The following PHIP variants were observed in gnomAD, a reference collection of about 807,000 sequenced individuals.
The protein encoded by PHIP is PH-interacting protein.
PHIP carries 54 observed loss-of-function variants against 236.8 expected under a neutral mutation model. The observed-to-expected ratio is 0.23, with a 90% confidence interval of 0.18 to 0.29. The LOEUF (loss-of-function observed/expected upper bound fraction) is 0.29. Ranked by LOEUF, PHIP falls within the 10% of genes least tolerant of loss-of-function variation. PHIP has a pLI of 1.00. For synonymous variants in PHIP, 756 were observed against 718.9 expected (o/e 1.05, Z -0.83); for missense variants, 1,370 against 2,190.8 (o/e 0.63, Z 7.48).
chr6:78,989,094 C>CA (rs147155255), intron 20 of PHIP, among the ~76,000 whole-genome samples: 68,861 of 151,736 alleles, frequency 0.45, 16,220 homozygotes, highest in East Asian at 0.69. Context: ...CTAAAAAACA[C>CA]AAAAAACTTA....
At chr6:78,948,538 G>T (rs1231552818) in intron 35 of PHIP, among the ~76,000 whole-genome samples, 2 of 152,114 alleles carry the variant, frequency 1.3e-5, no homozygotes, top group African/African-American at 4.8e-5. Context: ...CTGCTGCCCA[G>T]GTTAGAGTGC....
intron 7 of PHIP, among the ~76,000 whole-genome samples, chr6:79,035,368 A>G (rs1236569206): frequency 1.3e-5 from 2 of 152,180 alleles, no homozygotes; most frequent in African/African-American, 4.8e-5. Flanking sequence ...CCTCTGCTCA[A>G]TAACACAAGC....
chr6:78,989,840 C>T (rs1474364713), intron 20 of PHIP, among the ~76,000 whole-genome samples: 1 of 152,120 alleles, frequency 6.6e-6, no homozygotes, highest in Non-Finnish European at 1.5e-5. Context: ...AAAAGGTACG[C>T]TTTCCACTTA....
intron 35 of PHIP, 92 bp from the exon 36 acceptor site, chr6:78,947,867 T>C (rs1338145664): frequency 1.2e-6 from 1 of 801,922 alleles, no homozygotes; most frequent in Non-Finnish European, 2.0e-6. Flanking sequence ...TTATGATGAC[T>C]GCAAGTCCTA....
rs1064796868 is a variant in PHIP at position 79,026,002 on chromosome 6, G to A, written c.763C>T (p.Arg255Ter). 1.2e-6 allele frequency: 2 copies of A among 1,614,038 alleles called. No individual in the cohort carries two copies. The highest frequency in any genetic ancestry group is 2.2e-5 in the East Asian group (1 of 44,858). Reference sequence around the variant, plus strand: ...AGAACAGCCAAAGGTGCACAGGTTCGAAGACACCAGACTCGGATCATTTTA... The same window carrying A: ...AGAACAGCCAAAGGTGCACAGGTTCAAAGACACCAGACTCGGATCATTTTA... The part of the protein sequence containing the change: ...CDKMIRVWCL[R>*]TCAPLAVLQG... The change falls in exon 8 of 40, where the codon CGA (arginine) becomes TGA (stop). Residue 255 changes from arginine to a stop codon, truncating the protein, a stop_gained. Coordinates refer to ENST00000275034, the MANE Select transcript of PHIP (RefSeq NM_017934.7). LOFTEE classifies it high-confidence loss of function.
rs1773386631 is a variant in PHIP, at chr6:78,939,412, T to C, written c.*1281A>G. The C allele has an allele frequency of 2.0e-5, 3 of 151,884 alleles. No homozygotes were observed. In the South Asian group the frequency reaches 6.2e-4, roughly 31 times the overall value. 9.4% of individuals were successfully genotyped at this position (151,884 alleles called of 1,614,324 possible). ...TGCAATGAGACCACTGTATAAAACA[T>C]GATTGCATAAAAAGTGATTTGGCCT... is the stretch of plus-strand genomic sequence containing the variant. On this transcript the variant is annotated 3_prime_UTR_variant, in exon 40 of 40. Transcript: ENST00000275034.
rs556217664 is a variant in PHIP, at chr6:78,972,587, A to G, written c.2890-1699T>C. Among the ~76,000 whole-genome samples, 98 of 152,320 alleles carry G rather than the reference A, an allele frequency of 6.4e-4. 1 individual carries two copies. The South Asian group carries it at 7.9e-3, about 12-fold the overall frequency. On this transcript the variant is annotated intron_variant, in intron 24 of 39. Coordinates refer to ENST00000275034, the MANE Select transcript of PHIP (RefSeq NM_017934.7). Reference sequence around the variant, plus strand: ...AGACGATCAAATTACTCTGAGCTACAGGAGGACATTCAAACCAAAGGCAAA... The same window carrying G: ...AGACGATCAAATTACTCTGAGCTACGGGAGGACATTCAAACCAAAGGCAAA...
intron 23 of PHIP, among the ~76,000 whole-genome samples, chr6:78,980,300 A>T (rs1768426898): frequency 6.6e-6 from 1 of 152,040 alleles, no homozygotes; most frequent in Admixed American, 6.6e-5. Flanking sequence ...AGGGAGAAAC[A>T]AGGAGAAACA....
intron 36 of PHIP, 67 bp downstream of exon 36, chr6:78,947,556 C>A: frequency 1.4e-6 from 1 of 729,368 alleles, no homozygotes; most frequent in Non-Finnish European, 2.2e-6. Flanking sequence ...AGTAAAGCAA[C>A]ATTTAGTCAT....
intron 24 of PHIP, among the ~76,000 whole-genome samples, chr6:78,971,371 C>T (rs1448901098): frequency 6.6e-6 from 1 of 152,244 alleles, no homozygotes; most frequent in East Asian, 1.9e-4. Context: ...TGACTCCTGA[C>T]TACTGTCTTG....
intron 2 of PHIP, 24 bp from the exon 3 acceptor site, chr6:79,077,753 C>G: frequency 2.0e-6 from 2 of 986,012 alleles, no homozygotes; most frequent in Non-Finnish European, 2.4e-6. Context: ...GCGGGGAGAG[C>G]TGAGCCCCGC....
intron 15 of PHIP, among the ~76,000 whole-genome samples, chr6:79,009,087 G>C (rs1770442995): frequency 6.6e-6 from 1 of 151,956 alleles, no homozygotes; most frequent in Non-Finnish European, 1.5e-5. Flanking sequence ...TTTCATACCT[G>C]AAATTGTACT....
intron 7 of PHIP, 126 bp from the exon 8 acceptor site, chr6:79,026,290 A>C: frequency 2.8e-6 from 2 of 714,396 alleles, no homozygotes; most frequent in Admixed American, 2.4e-5. Context: ...AAAAAGTGTT[A>C]AATACTTGTG....
chr6:78,983,632 G>A (rs1241407310), intron 22 of PHIP, among the ~76,000 whole-genome samples: 3 of 152,222 alleles, frequency 2.0e-5, no homozygotes, highest in Admixed American at 1.3e-4. Context: ...TGAACTGGCA[G>A]AGTCAGAAGT....
intron 35 of PHIP, among the ~76,000 whole-genome samples, chr6:78,952,034 T>C (rs1314924467): frequency 6.6e-6 from 1 of 152,236 alleles, no homozygotes; most frequent in Non-Finnish European, 1.5e-5. Context: ...CTTTCAATTG[T>C]TGAGTTTTTT....
chr6:78,972,067 T>C (rs1767616741), intron 24 of PHIP, among the ~76,000 whole-genome samples: 1 of 152,092 alleles, frequency 6.6e-6, no homozygotes, highest in Admixed American at 6.6e-5. Flanking sequence ...GCTCCACCTC[T>C]GGGGGCAGGG....
intron 7 of PHIP, among the ~76,000 whole-genome samples, chr6:79,036,164 T>C (rs1771922924): frequency 6.6e-6 from 1 of 152,242 alleles, no homozygotes. Context: ...ATCAGTAATT[T>C]CTAGAATCCA....
At chr6:79,004,835 T>C (rs1770197091) in intron 15 of PHIP, among the ~76,000 whole-genome samples, 1 of 152,012 alleles carries the variant, frequency 6.6e-6, no homozygotes, top group South Asian at 2.1e-4. Flanking sequence ...AAATGTGGCA[T>C]AAGGATGGAT....
At chr6:79,019,323 T>A (rs190119289) in intron 9 of PHIP, among the ~76,000 whole-genome samples, 164 bp from the exon 10 acceptor site, 3 of 152,116 alleles carry the variant, frequency 2.0e-5, no homozygotes, top group Admixed American at 1.3e-4. Context: ...AATCAGAAGA[T>A]CTTGTAGAAA....
Sources: allele counts gnomAD v4.1 joint callset (sites outside exome capture counted in the v4.1 genomes callset), GRCh38; gene constraint gnomAD v4.1.1; transcripts MANE v1.5; gene names NCBI Gene and HGNC (gene_info 2026-07-23, HGNC 2026-07-21).